PRKCB: variants seen among roughly 807,000 people sequenced by gnomAD.
The protein encoded by PRKCB is protein kinase C beta.
Under a neutral mutation model 81.5 loss-of-function variants are expected in PRKCB, and 13 were observed. That is an observed-to-expected ratio of 0.16 (90% CI 0.10 to 0.25). PRKCB has a LOEUF of 0.25. Among genes scored for constraint, PRKCB ranks in the 10% least tolerant of loss-of-function variants. The pLI, the probability that PRKCB is intolerant of heterozygous loss-of-function variation, is 1.00. For missense variants in PRKCB, 509 were observed against 875.7 expected (o/e 0.58, Z 5.29); for synonymous variants, 335 against 321.4 (o/e 1.04, Z -0.45).
At position 24,143,426 on chromosome 16, in the gene PRKCB, C is replaced by T. The variant is rs115039917; in HGVS notation, c.1066-11258C>T. Among the ~76,000 whole-genome samples the T allele has an allele frequency of 5.5e-3, 833 of 152,144 alleles. 6 individuals are homozygous for T. Among genetic ancestry groups the T allele is most frequent in the African/African-American group, 0.019 (806 of 41,492 alleles). ...GGACTACAGGCATGAGTCACCGTGC[C>T]CGGCCGAGATAGGATCTTAAGACAG... On this transcript the variant is annotated intron_variant, in intron 9 of 16. Coordinates refer to ENST00000643927, the MANE Select transcript of PRKCB (RefSeq NM_002738.7).
intron 10 of PRKCB, among the ~76,000 whole-genome samples, chr16:24,162,773 G>A (rs1004687666): frequency 1.3e-5 from 2 of 152,102 alleles, no homozygotes; most frequent in African/African-American, 2.4e-5. Flanking sequence ...TTGTTGATGA[G>A]AAATTAGTTA....
At chr16:23,871,651 C>T (rs1265428891) in intron 2 of PRKCB, among the ~76,000 whole-genome samples, 2 of 152,062 alleles carry the variant, frequency 1.3e-5, no homozygotes, top group East Asian at 3.9e-4. Flanking sequence ...AATCTCGGCT[C>T]ACTGCAACCT....
chr16:24,150,239 G>C (rs191804737), intron 9 of PRKCB, among the ~76,000 whole-genome samples: 28 of 152,302 alleles, frequency 1.8e-4, no homozygotes, highest in African/African-American at 5.8e-4. Flanking sequence ...GTTGAGGCAA[G>C]AGAATTGCTT....
In PRKCB at chr16:24,003,060, G is replaced by A. The variant is rs1199213749; in HGVS notation, c.288+14470G>A. 2.0e-5 allele frequency among the ~76,000 whole-genome samples: 3 copies of A among 152,088 alleles called. No homozygotes were observed. The East Asian group carries it at 5.8e-4, about 29-fold the overall frequency. On this transcript the variant is annotated intron_variant, in intron 3 of 16. Coordinates refer to ENST00000643927, the MANE Select transcript of PRKCB (RefSeq NM_002738.7). ...GACTATAGGTTGCTGCTCCTCTACAGATCATCTTCTCTATGTAATTCTCTC... is the reference window on the plus strand; with the variant it reads ...GACTATAGGTTGCTGCTCCTCTACAAATCATCTTCTCTATGTAATTCTCTC...
Position 23,837,284 on chromosome 16 carries a change from G to A in PRKCB, c.174-91G>A, listed in dbSNP as rs17847882. On this transcript the variant is annotated intron_variant, in intron 1 of 16. Transcript: ENST00000643927. ...TGGGAGTTTGCACCTGGGGTACAGA[G>A]GCAGGGAGGAAGGCGGGTGACTCTG... is the stretch of plus-strand genomic sequence containing the variant. 8 of 1,524,678 alleles carry A rather than the reference G, an allele frequency of 5.2e-6. No individual in the cohort carries two copies. In the East Asian group the frequency reaches 1.8e-4, roughly 34 times the overall value. 94.4% of individuals were successfully genotyped at this position (1,524,678 alleles called of 1,614,324 possible).
At chr16:24,035,732 TC>T (rs1333324364) in intron 5 of PRKCB, among the ~76,000 whole-genome samples, 185 bp downstream of exon 5, 4 of 152,060 alleles carry the variant, frequency 2.6e-5, no homozygotes, top group Admixed American at 1.3e-4. Context: ...AGCAGGGGGA[TC>T]TTTAGAAACT....
intron 2 of PRKCB, among the ~76,000 whole-genome samples, chr16:23,919,802 G>A (rs928184678): frequency 6.6e-6 from 1 of 152,186 alleles, no homozygotes; most frequent in African/African-American, 2.4e-5. Flanking sequence ...ACGTTATCAA[G>A]GTTGATCCAC....
At chr16:24,201,304 G>T (rs1257479264) in intron 16 of PRKCB, among the ~76,000 whole-genome samples, 2 of 152,146 alleles carry the variant, frequency 1.3e-5, no homozygotes, top group African/African-American at 4.8e-5. Flanking sequence ...TTAGTATTCA[G>T]ATGTAGATGG....
intron 10 of PRKCB, among the ~76,000 whole-genome samples, chr16:24,163,721 A>C (rs1967299924): frequency 6.6e-6 from 1 of 152,254 alleles, no homozygotes; most frequent in Non-Finnish European, 1.5e-5. Flanking sequence ...TTGAGTGCAC[A>C]CTTACTTGGG....
chr16:23,838,983 A>C (rs1962217448), intron 2 of PRKCB, among the ~76,000 whole-genome samples: 1 of 152,178 alleles, frequency 6.6e-6, no homozygotes, highest in Admixed American at 6.5e-5. Flanking sequence ...TGGCACCGGA[A>C]TGTGTAATTT....
intron 2 of PRKCB, among the ~76,000 whole-genome samples, chr16:23,848,888 A>T (rs1424411268): frequency 6.6e-6 from 1 of 152,160 alleles, no homozygotes; most frequent in African/African-American, 2.4e-5. Flanking sequence ...TCTTCCTAGG[A>T]CTGGGCACTG....
intron 5 of PRKCB, among the ~76,000 whole-genome samples, chr16:24,049,166 T>C (rs1965807048): frequency 6.8e-6 from 1 of 147,914 alleles, no homozygotes; most frequent in African/African-American, 2.5e-5. Context: ...GAGAAGACTT[T>C]CTCTCCAAAC....
chr16:24,151,325 C>T (rs1423116956), intron 9 of PRKCB, among the ~76,000 whole-genome samples: 1 of 152,174 alleles, frequency 6.6e-6, no homozygotes, highest in African/African-American at 2.4e-5. Context: ...TATTTTTATG[C>T]TTATCTTCCA....
At chr16:24,125,509 ACTT>A (rs1243083124) in intron 9 of PRKCB, among the ~76,000 whole-genome samples, 3 of 152,162 alleles carry the variant, frequency 2.0e-5, no homozygotes, top group African/African-American at 4.8e-5. Context: ...CTTAGACGCC[ACTT>A]CTTCTGAAAA....
chr16:24,134,964 G>GA (rs71154281), intron 9 of PRKCB, among the ~76,000 whole-genome samples: 25,608 of 149,220 alleles, frequency 0.17, 2,582 homozygotes, highest in South Asian at 0.32. Context: ...CTTCTTCCAT[G>GA]AAAAAAAAAG....
intron 2 of PRKCB, among the ~76,000 whole-genome samples, chr16:23,929,563 A>T (rs1290655801): frequency 6.6e-6 from 1 of 152,142 alleles, no homozygotes; most frequent in Non-Finnish European, 1.5e-5. Context: ...ACCCCTCAGT[A>T]CATGTTAACA....
intron 2 of PRKCB, among the ~76,000 whole-genome samples, chr16:23,885,301 C>T (rs1333195284): frequency 6.6e-6 from 1 of 151,972 alleles, no homozygotes; most frequent in Non-Finnish European, 1.5e-5. Context: ...ATCCACAGCT[C>T]TTTTTTTCTT....
intron 2 of PRKCB, among the ~76,000 whole-genome samples, chr16:23,951,939 T>G (rs1339904400): frequency 6.6e-6 from 1 of 152,132 alleles, no homozygotes; most frequent in Non-Finnish European, 1.5e-5. Flanking sequence ...TATATCACAT[T>G]GATTGGTGGT....
At chr16:24,048,072 C>T (rs1051410116) in intron 5 of PRKCB, among the ~76,000 whole-genome samples, 3 of 152,220 alleles carry the variant, frequency 2.0e-5, no homozygotes, top group Admixed American at 6.5e-5. Flanking sequence ...AAGATGCAGT[C>T]GCAGCTCCTG....
Sources: gnomAD v4.1 joint callset for allele counts (sites outside exome capture counted in the v4.1 genomes callset) on GRCh38, gnomAD v4.1.1 for gene constraint, MANE v1.5 for transcripts, NCBI Gene and HGNC (gene_info 2026-07-23, HGNC 2026-07-21) for gene names.